Variants in TLR3 observed in about 807,000 individuals in gnomAD.
TLR3 encodes toll like receptor 3.
Under a neutral mutation model 66.4 loss-of-function variants are expected in TLR3, and 43 were observed. The observed-to-expected ratio is 0.65, with a 90% CI of 0.51 to 0.83. The LOEUF (loss-of-function observed/expected upper bound fraction) is 0.83, where lower values mean the gene tolerates loss of function less well. Ranked by LOEUF, TLR3 falls within the 40% of genes least tolerant of loss-of-function variation. The pLI, the probability that TLR3 is intolerant of heterozygous loss-of-function variation, is 0.00. For missense variants in TLR3, 982 were observed against 1,044.6 expected (o/e 0.94, Z 0.83); for synonymous variants, 397 against 397.2 (o/e 1.00, Z 0.01).
At position 186,069,211 on chromosome 4, in the gene TLR3, T is replaced by G. The variant is rs1012989183; in HGVS notation, c.-45T>G. ...ACTTCCCTGATGAAATGTCTGGATT[T>G]GGACTAAAGAAAAAAGGAAAGGCTA... is the stretch of plus-strand genomic sequence containing the variant. On this transcript the variant is annotated 5_prime_UTR_variant, in exon 1 of 5. Transcript: ENST00000296795. 30 of 152,296 alleles carry G rather than the reference T, an allele frequency of 2.0e-4. No individual in the cohort carries two copies. Among genetic ancestry groups the G allele is most frequent in the African/African-American group, 7.2e-4 (30 of 41,556 alleles). The allele number at this position is 152,296 out of a possible 1,614,324, so 9.4% of individuals were successfully genotyped here.
rs769776186 is a variant in TLR3 at position 186,076,687 on chromosome 4, C to T, written c.68C>T (p.Ser23Phe). ...GLLPFGMLCA[S>F]STTKCTVSHE... The stretch of plus-strand genomic sequence containing the variant: ...TTGCCCTTTGGGATGCTGTGTGCAT[C>T]CTCCACCACCAAGTGCACTGTTAGC... Residue 23 changes from serine (S) to phenylalanine (F), a missense_variant, in exon 2 of 5, where the codon TCC becomes TTC. Coordinates refer to ENST00000296795, the MANE Select transcript of TLR3 (RefSeq NM_003265.3). 1.9e-6 allele frequency: 3 copies of T among 1,614,182 alleles called. No homozygotes were observed. Among genetic ancestry groups the T allele is most frequent in the Non-Finnish European group, 2.5e-6 (3 of 1,180,046 alleles).
chr4:186,084,968 T>C lies in TLR3; in HGVS notation c.*95T>C. The C allele has an allele frequency of 1.0e-6, 1 of 959,760 alleles. No individual in the cohort carries two copies. Among genetic ancestry groups the C allele is most frequent in the Non-Finnish European group, 1.6e-6 (1 of 625,650 alleles). 59.5% of individuals were successfully genotyped at this position (959,760 alleles called of 1,614,324 possible). A position where few individuals can be genotyped will look rare whatever the true frequency, so the allele number is the denominator to read the frequency against. On this transcript the variant is annotated 3_prime_UTR_variant, in exon 5 of 5. Coordinates refer to ENST00000296795, the MANE Select transcript of TLR3 (RefSeq NM_003265.3). ...TTTTCCATAAAGGTGTTATAATTTGTTTATTCATATTTGTAAATGATTATA... is the reference window on the plus strand; with the variant it reads ...TTTTCCATAAAGGTGTTATAATTTGCTTATTCATATTTGTAAATGATTATA...
In TLR3 at chr4:186,085,169, C is replaced by A; in HGVS notation, c.*296C>A. The A allele has an allele frequency of 2.8e-6, 1 of 358,082 alleles. No individual in the cohort carries two copies. Among genetic ancestry groups the A allele is most frequent in the Non-Finnish European group, 5.1e-6 (1 of 195,340 alleles). 22.2% of individuals were successfully genotyped at this position (358,082 alleles called of 1,614,324 possible). ...ACAGCTTAAGGAGTTTGAAAACATT[C>A]CTCATTTTAAGAAAAGTTAGAGGTA... On this transcript the variant is annotated 3_prime_UTR_variant, in exon 5 of 5. Transcript: ENST00000296795.
intron 1 of TLR3, among the ~76,000 whole-genome samples, chr4:186,071,808 G>T (rs746928182): frequency 6.6e-6 from 1 of 152,138 alleles, no homozygotes; most frequent in African/African-American, 2.4e-5. Context: ...GTCACCTAAG[G>T]TGATTTTATT....
rs2099303958 is a variant in TLR3, at chr4:186,083,972, T to C, written c.2286T>C (p.His762=). The part of the protein sequence containing the change: ...EQFEYAAYII[H]AYKDKDWVWE... ...TTGAATATGCAGCATATATAATTCA[T>C]GCCTATAAAGATAAGGATTGGGTCT... The change falls in exon 4 of 5, where the codon CAT becomes CAC. Residue 762 remains histidine, a synonymous_variant. Coordinates refer to ENST00000296795, the MANE Select transcript of TLR3 (RefSeq NM_003265.3). This position sits in a 1 kb window ranked among gnomAD's most constrained non-coding sequence, Gnocchi z 4.0. 2 of 1,613,998 alleles carry C rather than the reference T, an allele frequency of 1.2e-6. No individual in the cohort carries two copies. Among genetic ancestry groups the C allele is most frequent in the Admixed American group, 1.7e-5 (1 of 59,998 alleles).
At chr4:186,075,149 T>A (rs975988831) in intron 1 of TLR3, among the ~76,000 whole-genome samples, 2 of 152,208 alleles carry the variant, frequency 1.3e-5, no homozygotes, top group African/African-American at 4.8e-5. Flanking sequence ...GTACTGTAAA[T>A]AATTATGTGT....
chr4:186,073,067 C>G (rs2099301780), intron 1 of TLR3, among the ~76,000 whole-genome samples: 1 of 152,118 alleles, frequency 6.6e-6, no homozygotes, highest in African/African-American at 2.4e-5. Context: ...TGTTGTAAAG[C>G]TAAAGTAATC....
chr4:186,078,613 A>T (rs1269107319), intron 2 of TLR3, among the ~76,000 whole-genome samples: 1 of 152,204 alleles, frequency 6.6e-6, no homozygotes, highest in Non-Finnish European at 1.5e-5. Flanking sequence ...TGAAGTAAGA[A>T]ATAAAATCCT....
At chr4:186,069,935 C>A (rs1372534901) in intron 1 of TLR3, among the ~76,000 whole-genome samples, 1 of 152,162 alleles carries the variant, frequency 6.6e-6, no homozygotes, top group Non-Finnish European at 1.5e-5. Flanking sequence ...TATGGGCGTG[C>A]CTGTGTATGA....
At position 186,082,662 on chromosome 4, in the gene TLR3, T is replaced by C; in HGVS notation, c.976T>C (p.Tyr326His). Residue 326 changes from tyrosine (Y) to histidine (H), a missense_variant, in exon 4 of 5, where the codon TAC (tyrosine) becomes CAC (histidine). Around this residue, in one of 3 missense-constraint regions of TLR3, gnomAD observed 666 missense variants for 709.0 expected, o/e 0.94. Coordinates refer to ENST00000296795, the MANE Select transcript of TLR3 (RefSeq NM_003265.3). ...HSLHGLFNVRYLNLKRSFTKQ... is the reference protein window; with the variant it reads ...HSLHGLFNVRHLNLKRSFTKQ... ...TTTGCACGGGCTTTTCAATGTGAGG[T>C]ACCTGAATTTGAAACGGTCTTTTAC... 1.9e-6 allele frequency: 3 copies of C among 1,613,940 alleles called. No homozygotes were observed. Among genetic ancestry groups the C allele is most frequent in the Non-Finnish European group, 2.5e-6 (3 of 1,179,838 alleles).
intron 1 of TLR3, among the ~76,000 whole-genome samples, chr4:186,072,524 T>G (rs1463226207): frequency 6.6e-6 from 1 of 152,234 alleles, no homozygotes; most frequent in Non-Finnish European, 1.5e-5. Context: ...TTGGCCAGGC[T>G]GGTCTCAAAC....
chr4:186,078,145 T>G (rs1050541909), intron 2 of TLR3, among the ~76,000 whole-genome samples: 8 of 152,206 alleles, frequency 5.3e-5, no homozygotes, highest in African/African-American at 1.9e-4. Flanking sequence ...AAGACTTAAA[T>G]TAAAAAACCT....
At chr4:186,079,871 A>G (rs1045053570) in intron 3 of TLR3, among the ~76,000 whole-genome samples, 2 of 152,202 alleles carry the variant, frequency 1.3e-5, no homozygotes, top group East Asian at 1.9e-4. Flanking sequence ...GGGATTTTAC[A>G]GGGTCTTGTT....
Position 186,086,037 on chromosome 4 carries a change from T to C in TLR3, c.*1164T>C, listed in dbSNP as rs912459729. On this transcript the variant is annotated 3_prime_UTR_variant, in exon 5 of 5. Transcript: ENST00000296795. Reference sequence around the variant, plus strand: ...TGCCACCATGCCTGGCTAATTTTTGTATTTTTAGTAGAGATGGGGTTTCAC... The same window carrying C: ...TGCCACCATGCCTGGCTAATTTTTGCATTTTTAGTAGAGATGGGGTTTCAC... 1 of 152,276 alleles carries C rather than the reference T, an allele frequency of 6.6e-6. No individual in the cohort carries two copies. The highest frequency in any genetic ancestry group is 1.9e-4 in the East Asian group (1 of 5,160). 9.4% of individuals were successfully genotyped at this position (152,276 alleles called of 1,614,324 possible). A position where few individuals can be genotyped will look rare whatever the true frequency, so the allele number is the denominator to read the frequency against.
intron 1 of TLR3, among the ~76,000 whole-genome samples, chr4:186,070,812 T>C (rs2099301320): frequency 6.6e-6 from 1 of 152,114 alleles, no homozygotes; most frequent in South Asian, 2.1e-4. Context: ...CAAGCGATCC[T>C]CCTGCCTCAG....
chr4:186,080,309 G>T (rs2099303217), intron 3 of TLR3, among the ~76,000 whole-genome samples: 2 of 151,386 alleles, frequency 1.3e-5, no homozygotes, highest in Non-Finnish European at 2.9e-5. Context: ...GACATTTATT[G>T]TAGTAATCTT....
Position 186,083,764 on chromosome 4 carries a change from C to T in TLR3, c.2078C>T (p.Thr693Ile). The change falls in exon 4 of 5, where the codon ACA (threonine) becomes ATA (isoleucine). Residue 693 changes from threonine (T) to isoleucine (I), a missense_variant. Thr to Ile is a moderately conservative substitution (Grantham distance 89). Coordinates refer to ENST00000296795, the MANE Select transcript of TLR3 (RefSeq NM_003265.3). This position sits in a 1 kb window ranked among gnomAD's most constrained non-coding sequence, Gnocchi z 4.0. ...GGGTTCCCAGTGAGACTTTTTGATA[C>T]ATCATCTTGCAAAGACAGTGCCCCC... ...YHGFPVRLFD[T>I]SSCKDSAPFE... The T allele has an allele frequency of 2.5e-6, 4 of 1,613,906 alleles. No individual in the cohort carries two copies. The highest frequency in any genetic ancestry group is 2.2e-5 in the East Asian group (1 of 44,886).
rs2099304080 is a variant in TLR3, at chr4:186,084,653, T to A, written c.2495T>A (p.Val832Glu). The change falls in exon 5 of 5, where the codon GTA becomes GAA. Residue 832 changes from valine to glutamate, a missense_variant. Physicochemically the swap from Val to Glu is moderately radical, Grantham distance 121. Transcript: ENST00000296795. ...LKDPLCKRFK[V>E]HHAVQQAIEQ... ...TACATTTTTTTACTTAGATTCAAGG[T>A]ACATCATGCAGTTCAACAAGCTATT... The A allele has an allele frequency of 6.8e-6, 11 of 1,608,706 alleles. No individual in the cohort carries two copies. The highest frequency in any genetic ancestry group is 8.5e-6 in the Non-Finnish European group (10 of 1,175,202).
At position 186,083,390 on chromosome 4, in the gene TLR3, C is replaced by T. The variant is rs35111588; in HGVS notation, c.1704C>T (p.Asn568=). The T allele has an allele frequency of 9.2e-3, 14,893 of 1,614,106 alleles. 1,107 individuals carry two copies. The African/African-American group carries it at 0.17, about 18-fold the overall frequency. ...GTCTGTCTCACCTCCACATCCTTAA[C>T]TTGGAGTCCAACGGCTTTGACGAGA... The part of the protein sequence containing the change: ...LKGLSHLHIL[N]LESNGFDEIP... Residue 568 remains asparagine (N), a synonymous_variant, in exon 4 of 5, where the codon AAC becomes AAT. Coordinates refer to ENST00000296795, the MANE Select transcript of TLR3 (RefSeq NM_003265.3). This position sits in a 1 kb window ranked among gnomAD's most constrained non-coding sequence, Gnocchi z 4.0.
Sources: gnomAD v4.1 joint callset for allele counts (sites outside exome capture counted in the v4.1 genomes callset) on GRCh38, gnomAD v4.1.1 for gene constraint, gnomAD v4.1.1 regional missense constraint, Gnocchi (gnomAD v3.1) non-coding constraint, MANE v1.5 for transcripts, NCBI Gene and HGNC (gene_info 2026-07-23, HGNC 2026-07-21) for gene names.